SMCHD1: variants seen among roughly 807,000 people sequenced by gnomAD.
SMCHD1 encodes structural maintenance of chromosomes flexible hinge domain-containing protein 1.
SMCHD1 carries 78 observed loss-of-function variants against 254.7 expected under a neutral mutation model. The observed-to-expected ratio is 0.31, with a 90% CI of 0.26 to 0.37. SMCHD1 has a LOEUF of 0.37. SMCHD1 is among the 10% of genes least tolerant of loss of function. The pLI is 1.00. For synonymous variants in SMCHD1, 766 were observed against 794.9 expected (o/e 0.96, Z 0.61); for missense variants, 1,840 against 2,408.1 (o/e 0.76, Z 4.94).
intron 44 of SMCHD1, among the ~76,000 whole-genome samples, chr18:2,783,817 C>T (rs1172332719): frequency 6.6e-6 from 1 of 152,108 alleles, no homozygotes; most frequent in Non-Finnish European, 1.5e-5. Context: ...GTGATCTGCC[C>T]ACCTTGGCCT....
At chr18:2,731,546 C>G (rs1356070212) in intron 24 of SMCHD1, among the ~76,000 whole-genome samples, 1 of 152,036 alleles carries the variant, frequency 6.6e-6, no homozygotes, top group Non-Finnish European at 1.5e-5. Flanking sequence ...ATACTGAAAG[C>G]CTTAATGTAA....
intron 26 of SMCHD1, among the ~76,000 whole-genome samples, chr18:2,739,097 C>T (rs2075302015): frequency 6.6e-6 from 1 of 152,174 alleles, no homozygotes; most frequent in African/African-American, 2.4e-5. Flanking sequence ...ATAGAATTTT[C>T]AAATGTACTG....
At chr18:2,666,776 A>T (rs893993487) in intron 2 of SMCHD1, 94 bp from the exon 3 acceptor site, 14 of 1,022,530 alleles carry the variant, frequency 1.4e-5, no homozygotes, top group Non-Finnish European at 1.9e-5. Context: ...ATCATTAAAG[A>T]TATTTCATAG....
Position 2,771,615 on chromosome 18 carries a change from A to G in SMCHD1, c.5049A>G (p.Gln1683=). The change falls in exon 40 of 48, where the codon CAA becomes CAG. Residue 1683 remains glutamine, a synonymous_variant. Transcript: ENST00000320876. The part of the protein sequence containing the change: ...KIHNIDIPTT[Q]QVPHIEALLK... ...ATAATATTGACATTCCTACAACACA[A>G]CAGGTACAGCTTCCAACTATACGTG... 1 of 1,551,614 alleles carries G rather than the reference A, an allele frequency of 6.4e-7. No individual in the cohort carries two copies. Among genetic ancestry groups the G allele is most frequent in the Non-Finnish European group, 8.6e-7 (1 of 1,160,294 alleles).
chr18:2,688,144 C>T (rs997485045), intron 5 of SMCHD1, among the ~76,000 whole-genome samples: 4 of 152,170 alleles, frequency 2.6e-5, no homozygotes, highest in Non-Finnish European at 4.4e-5. Flanking sequence ...GAGAGATTTT[C>T]TGATTTAGTA....
chr18:2,792,151 T>TA (rs1024564657), intron 45 of SMCHD1, among the ~76,000 whole-genome samples: 7 of 152,168 alleles, frequency 4.6e-5, no homozygotes, highest in Non-Finnish European at 8.8e-5. Context: ...AATTTGCTTT[T>TA]AAAAAAACAG....
In SMCHD1 at chr18:2,666,959, T is replaced by G. The variant is rs199676538; in HGVS notation, c.352T>G (p.Leu118Val). ...AGCTACGAAAGAACGAATTGACTTC[T>G]TACCTCACTATGACACACTGGTTAA... ...LTATKERIDF[L>V]PHYDTLVKSG... The change falls in exon 3 of 48, where the codon TTA (leucine) becomes GTA (valine). Residue 118 changes from leucine to valine, a missense_variant. This residue lies in a region of SMCHD1 where 3 missense variants were observed against 26.6 expected (regional missense o/e 0.11). Transcript: ENST00000320876. 1 of 1,611,346 alleles carries G rather than the reference T, an allele frequency of 6.2e-7. No individual in the cohort carries two copies. Among genetic ancestry groups the G allele is most frequent in the Admixed American group, 1.7e-5 (1 of 59,558 alleles).
chr18:2,736,224 G>T (rs1440459693), intron 25 of SMCHD1, among the ~76,000 whole-genome samples: 1 of 152,146 alleles, frequency 6.6e-6, no homozygotes, highest in Non-Finnish European at 1.5e-5. Context: ...AATGAAAGTG[G>T]ATCCCTACCT....
intron 47 of SMCHD1, among the ~76,000 whole-genome samples, chr18:2,800,278 A>G (rs1211430955): frequency 2.0e-5 from 3 of 152,098 alleles, no homozygotes; most frequent in Non-Finnish European, 2.9e-5. Flanking sequence ...CCTAGAATGT[A>G]CCAGATTTTC....
intron 25 of SMCHD1, among the ~76,000 whole-genome samples, chr18:2,737,475 C>T (rs937080396): frequency 6.6e-6 from 1 of 152,122 alleles, no homozygotes; most frequent in African/African-American, 2.4e-5. Flanking sequence ...AATCCCAGCA[C>T]TTTGAAAGGC....
At chr18:2,768,665 ATAGTG>A (rs1378016700) in intron 37 of SMCHD1, among the ~76,000 whole-genome samples, 1 of 119,226 alleles carries the variant, frequency 8.4e-6, no homozygotes, top group African/African-American at 2.8e-5. Context: ...AGTATAGTAT[ATAGTG>A]TACTATATAC....
At chr18:2,744,912 T>G (rs1262410927) in intron 29 of SMCHD1, among the ~76,000 whole-genome samples, 1 of 152,196 alleles carries the variant, frequency 6.6e-6, no homozygotes, top group African/African-American at 2.4e-5. Flanking sequence ...GGCACGATCT[T>G]GGCTCACTGC....
At chr18:2,784,781 A>G (rs1185251496) in intron 45 of SMCHD1, 160 bp downstream of exon 45, 3 of 779,426 alleles carry the variant, frequency 3.8e-6, no homozygotes, top group African/African-American at 3.4e-5. Context: ...GCTTTTTTAT[A>G]TCAGGTAGTT....
chr18:2,710,563 C>T (rs1214936862), intron 17 of SMCHD1, among the ~76,000 whole-genome samples: 1 of 152,054 alleles, frequency 6.6e-6, no homozygotes, highest in Non-Finnish European at 1.5e-5. Flanking sequence ...TTAGCTATAC[C>T]AGGGTTTTTT....
chr18:2,735,938 A>T (rs537423228), intron 25 of SMCHD1, among the ~76,000 whole-genome samples: 1 of 152,212 alleles, frequency 6.6e-6, no homozygotes, highest in Non-Finnish European at 1.5e-5. Context: ...AAAGAGCTCA[A>T]ATAGCCAAAG....
chr18:2,701,439 G>A (rs2074399944), intron 12 of SMCHD1, among the ~76,000 whole-genome samples: 1 of 152,166 alleles, frequency 6.6e-6, no homozygotes, highest in South Asian at 2.1e-4. Context: ...GGGATTACAG[G>A]CATGAGCCAT....
chr18:2,750,551 C>T (rs760484137), intron 32 of SMCHD1, 44 bp downstream of exon 32: 21 of 1,491,332 alleles, frequency 1.4e-5, no homozygotes, highest in Non-Finnish European at 1.6e-5. Flanking sequence ...TGATAATTTG[C>T]TTTGTACATT....
chr18:2,703,614 T>C (rs2074451381), intron 12 of SMCHD1, 78 bp from the exon 13 acceptor site: 8 of 1,240,726 alleles, frequency 6.4e-6, no homozygotes, highest in Non-Finnish European at 9.1e-6. Context: ...AGGAAAAAAA[T>C]AAAATGAATG....
chr18:2,801,296 A>G (rs2143881453), intron 47 of SMCHD1: 1 of 152,292 alleles, frequency 6.6e-6, no homozygotes, highest in Non-Finnish European at 1.5e-5. Context: ...CCAAAGAACC[A>G]TATTTTCAGT....
Sources: gnomAD v4.1 joint callset for allele counts (sites outside exome capture counted in the v4.1 genomes callset) on GRCh38, gnomAD v4.1.1 for gene constraint, gnomAD v4.1.1 regional missense constraint, MANE v1.5 for transcripts, NCBI Gene and HGNC (gene_info 2026-07-23, HGNC 2026-07-21) for gene names.